Variants in SMG6 observed in about 807,000 individuals in gnomAD.
SMG6 encodes the protein telomerase-binding protein EST1A.
A neutral mutation model predicts 142.2 loss-of-function variants in SMG6; 66 were observed. The observed-to-expected ratio is 0.46, with a 90% CI of 0.38 to 0.57. SMG6 has a LOEUF of 0.57. Among genes scored for constraint, SMG6 ranks in the 20% least tolerant of loss-of-function variants. The pLI, the probability that SMG6 is intolerant of heterozygous loss-of-function variation, is 0.00. For synonymous variants in SMG6, 779 were observed against 702.4 expected, an observed-to-expected ratio of 1.11 and a Z score of -1.72; for missense variants, 1,793 against 1,832.0, an observed-to-expected ratio of 0.98 and a Z score of 0.39.
Position 2,172,654 on chromosome 17 carries a change from T to C in SMG6, c.3357+4A>G. On this transcript the variant is annotated splice_donor_region_variant and intron_variant, in intron 13 of 18. Coordinates refer to ENST00000263073, the MANE Select transcript of SMG6 (RefSeq NM_017575.5). ...TGGGGAGGGATGTTTGGCCTGGGGC[T>C]GACCTTATCCGAGGTTTTCTCCACG... 1.2e-6 allele frequency: 2 copies of C among 1,613,040 alleles called. No homozygotes were observed. Among genetic ancestry groups the C allele is most frequent in the Non-Finnish European group, 8.5e-7 (1 of 1,180,018 alleles).
chr17:2,127,816 T>C, intron 13 of SMG6: 2 of 549,722 alleles, frequency 3.6e-6, no homozygotes, highest in Admixed American at 1.9e-5. Flanking sequence ...AATCATATCG[T>C]TTTTCACATT....
chr17:2,176,452 T>C (rs957096773), intron 12 of SMG6, among the ~76,000 whole-genome samples: 3 of 152,230 alleles, frequency 2.0e-5, no homozygotes, highest in Non-Finnish European at 2.9e-5. Context: ...TGATTCTAAA[T>C]GGACCCTCTA....
intron 13 of SMG6, among the ~76,000 whole-genome samples, chr17:2,156,148 G>A (rs1025057046): frequency 6.6e-6 from 1 of 150,678 alleles, no homozygotes; most frequent in South Asian, 2.1e-4. Context: ...CCAGCACTTC[G>A]GGAAGCTGAG....
At chr17:2,134,253 A>C (rs1212928983) in intron 13 of SMG6, among the ~76,000 whole-genome samples, 1 of 151,710 alleles carries the variant, frequency 6.6e-6, no homozygotes, top group Non-Finnish European at 1.5e-5. Context: ...CCCCATCTCT[A>C]CTAAAAATAC....
intron 13 of SMG6, chr17:2,087,172 G>A (rs74795339): frequency 0.04 from 51,365 of 1,290,356 alleles, 1,225 homozygotes; most frequent in Non-Finnish European, 0.048. Flanking sequence ...CATCGTTTTC[G>A]TACGTCACTG....
chr17:2,094,386 G>A (rs1252206432), intron 13 of SMG6, among the ~76,000 whole-genome samples: 5 of 152,132 alleles, frequency 3.3e-5, no homozygotes, highest in South Asian at 4.1e-4. Context: ...CTACAGGCAC[G>A]TGCCACCACA....
chr17:2,272,486 A>G (rs528326794), intron 8 of SMG6, among the ~76,000 whole-genome samples: 29 of 152,318 alleles, frequency 1.9e-4, no homozygotes, highest in Non-Finnish European at 2.6e-4. Flanking sequence ...TACTTGCTAA[A>G]ACTTACTTGT....
In SMG6 at chr17:2,300,638, T is replaced by C; in HGVS notation, c.115A>G (p.Arg39Gly). 1.3e-6 allele frequency: 2 copies of C among 1,597,200 alleles called. No individual in the cohort carries two copies. The highest frequency in any genetic ancestry group is 1.7e-6 in the Non-Finnish European group (2 of 1,174,474). Residue 39 changes from arginine to glycine, a missense_variant, in exon 2 of 19, where the codon AGG (arginine) becomes GGG (glycine). Transcript: ENST00000263073. ...GGACGCCTGTTATCTTTGCGCGGCCTGGCCTCCTTTAATTCCTTCATGTTT... is the reference window on the plus strand; with the variant it reads ...GGACGCCTGTTATCTTTGCGCGGCCCGGCCTCCTTTAATTCCTTCATGTTT... ...RENMKELKEA[R>G]PRKDNRRPDL...
chr17:2,250,921 G>A (rs2074032597), intron 8 of SMG6, among the ~76,000 whole-genome samples: 1 of 152,110 alleles, frequency 6.6e-6, no homozygotes, highest in Non-Finnish European at 1.5e-5. Context: ...CCTCATCCCT[G>A]CGCTCCTATG....
intron 13 of SMG6, among the ~76,000 whole-genome samples, chr17:2,110,319 A>G (rs1219875661): frequency 6.6e-6 from 1 of 152,106 alleles, no homozygotes. Context: ...TTTTAAAAAC[A>G]AAACCTTCCC....
intron 13 of SMG6, among the ~76,000 whole-genome samples, chr17:2,111,286 G>C (rs1244812826): frequency 1.3e-5 from 2 of 152,182 alleles, no homozygotes; most frequent in Admixed American, 6.5e-5. Flanking sequence ...GGGAGACAGA[G>C]AGCGGCAGGG....
chr17:2,296,308 CTCTA>C (rs908906270), intron 4 of SMG6, among the ~76,000 whole-genome samples: 1 of 152,190 alleles, frequency 6.6e-6, no homozygotes, highest in Non-Finnish European at 1.5e-5. Flanking sequence ...TTGCTGGACC[CTCTA>C]TCTAAACTGC....
In SMG6 at chr17:2,085,990, G is replaced by T. The variant is rs2068551071; in HGVS notation, c.3358-89C>A. ...TTGCTTGCCGGCTGAGGGGCACAGG[G>T]GAACTGTGTCAAAGCTACCAGGCAA... On this transcript the variant is annotated intron_variant, in intron 13 of 18. Transcript: ENST00000263073. The surrounding 1 kb of genome is among the most constrained non-coding windows in gnomAD (Gnocchi z 4.1). 1 of 1,355,758 alleles carries T rather than the reference G, an allele frequency of 7.4e-7. No homozygotes were observed. The highest frequency in any genetic ancestry group is 1.8e-5 in the Admixed American group (1 of 56,914). The allele number at this position is 1,355,758 out of a possible 1,614,324, so 84.0% of individuals were successfully genotyped here. A position where few individuals can be genotyped will look rare whatever the true frequency, so the allele number is the denominator to read the frequency against.
At chr17:2,289,187 C>T (rs1425906436) in intron 6 of SMG6, among the ~76,000 whole-genome samples, 1 of 151,378 alleles carries the variant, frequency 6.6e-6, no homozygotes, top group Non-Finnish European at 1.5e-5. Flanking sequence ...GAGGTTGAGG[C>T]TGCAGTGAGC....
Position 2,172,689 on chromosome 17 carries a change from T to TC in SMG6, c.3325dup (p.Asp1109GlyfsTer11). On this transcript the variant is annotated frameshift_variant, in exon 13 of 19. Transcript: ENST00000263073. LOFTEE classifies it high-confidence loss of function. ...CGAGGTTTTCTCCACGTAGCAGGGG[T>TC]CCTGAGGGGCAGCCAGCAAGGGGAC... 6.2e-7 allele frequency: 1 copy of TC among 1,613,564 alleles called. No individual in the cohort carries two copies. Among genetic ancestry groups the TC allele is most frequent in the Non-Finnish European group, 8.5e-7 (1 of 1,179,972 alleles).
chr17:2,060,266 T>G lies in SMG6; in HGVS notation c.*1226A>C, dbSNP rs1351663892. On this transcript the variant is annotated 3_prime_UTR_variant, in exon 19 of 19. Coordinates refer to ENST00000263073, the MANE Select transcript of SMG6 (RefSeq NM_017575.5). ...GGCCCTGGGTTTCAGGAACTCATTC[T>G]TGGTAAGGAAGCCTCCCCACTGAGG... 6.6e-6 allele frequency: 1 copy of G among 152,256 alleles called. No homozygotes were observed. The highest frequency in any genetic ancestry group is 1.5e-5 in the Non-Finnish European group (1 of 68,056). The allele number at this position is 152,256 out of a possible 1,614,324, so 9.4% of individuals were successfully genotyped here.
At chr17:2,292,792 C>T in intron 5 of SMG6, 79 bp downstream of exon 5, 1 of 1,423,258 alleles carries the variant, frequency 7.0e-7, no homozygotes, top group African/African-American at 1.4e-5. Context: ...GTACAACACC[C>T]ACATGGCCTA....
At chr17:2,172,914 A>AC (rs1219464301) in intron 12 of SMG6, 55 bp from the exon 13 acceptor site, 1 of 1,505,292 alleles carries the variant, frequency 6.6e-7, no homozygotes, top group East Asian at 2.3e-5. Flanking sequence ...AGTAAAAAAA[A>AC]GTATTCTCAG....
chr17:2,111,364 C>A (rs1047886894), intron 13 of SMG6, among the ~76,000 whole-genome samples: 1 of 152,138 alleles, frequency 6.6e-6, no homozygotes, highest in African/African-American at 2.4e-5. Context: ...AATATTTGAT[C>A]AGACTTGAAG....
Sources: allele counts gnomAD v4.1 joint callset (sites outside exome capture counted in the v4.1 genomes callset), GRCh38; gene constraint gnomAD v4.1.1; non-coding constraint Gnocchi (gnomAD v3.1); transcripts MANE v1.5; gene names NCBI Gene and HGNC (gene_info 2026-07-23, HGNC 2026-07-21).